UBE2E2: variants seen among roughly 807,000 people sequenced by gnomAD.
The protein encoded by UBE2E2 is ubiquitin-conjugating enzyme E2 E2.
In UBE2E2, 6 loss-of-function variants were observed where a neutral mutation model predicts 24.7. The ratio of observed to expected loss-of-function variants is 0.24; its 90% confidence interval spans 0.13 to 0.48. The LOEUF (loss-of-function observed/expected upper bound fraction) is 0.48, where lower values mean the gene tolerates loss of function less well. Ranked by LOEUF, UBE2E2 falls within the 20% of genes least tolerant of loss-of-function variation. UBE2E2 has a pLI of 0.99. For synonymous variants in UBE2E2, 104 were observed against 83.6 expected (o/e 1.24, Z -1.33); for missense variants, 169 against 245.0 (o/e 0.69, Z 2.07).
intron 3 of UBE2E2, among the ~76,000 whole-genome samples, chr3:23,332,671 T>TG (rs78884458): frequency 1.3e-3 from 101 of 79,202 alleles, no homozygotes; most frequent in African/African-American, 4.2e-3. Context: ...TGGCAGCCAG[T>TG]GGGGTGTGTG....
intron 3 of UBE2E2, among the ~76,000 whole-genome samples, chr3:23,398,001 A>G (rs192430914): frequency 1.7e-4 from 26 of 152,178 alleles, no homozygotes; most frequent in South Asian, 1.5e-3. Context: ...GTTGATTTCT[A>G]TTGTTCAGTT....
chr3:23,510,387 A>AAG (rs1694567969), intron 4 of UBE2E2, among the ~76,000 whole-genome samples: 1 of 152,062 alleles, frequency 6.6e-6, no homozygotes, highest in Non-Finnish European at 1.5e-5. Flanking sequence ...TGGGTGGATC[A>AAG]GTTGAGGTTA....
At chr3:23,521,739 AG>A (rs1278641383) in intron 4 of UBE2E2, among the ~76,000 whole-genome samples, 1 of 152,112 alleles carries the variant, frequency 6.6e-6, no homozygotes, top group African/African-American at 2.4e-5. Context: ...TTAGCTCATG[AG>A]CTATCATAAG....
At chr3:23,448,052 A>C (rs1195763594) in intron 3 of UBE2E2, among the ~76,000 whole-genome samples, 1 of 152,226 alleles carries the variant, frequency 6.6e-6, no homozygotes, top group African/African-American at 2.4e-5. Flanking sequence ...TGTTTTTAAA[A>C]ATTATCTCTT....
intron 3 of UBE2E2, among the ~76,000 whole-genome samples, chr3:23,325,282 T>TA (rs1400795338): frequency 2.6e-5 from 4 of 152,156 alleles, no homozygotes; most frequent in Admixed American, 2.6e-4. Flanking sequence ...GTATAGTAAA[T>TA]ATTCATGAAA....
At chr3:23,336,357 G>C (rs1365567023) in intron 3 of UBE2E2, among the ~76,000 whole-genome samples, 1 of 152,194 alleles carries the variant, frequency 6.6e-6, no homozygotes, top group Non-Finnish European at 1.5e-5. Flanking sequence ...GTATCTGCAA[G>C]AGTAAAAGTC....
intron 3 of UBE2E2, among the ~76,000 whole-genome samples, chr3:23,469,773 T>C (rs1698995929): frequency 6.6e-6 from 1 of 152,252 alleles, no homozygotes; most frequent in Admixed American, 6.5e-5. Context: ...GGATTCTGCC[T>C]GTTGAAGAGA....
At chr3:23,403,395 T>TA (rs1271923635) in intron 3 of UBE2E2, among the ~76,000 whole-genome samples, 2 of 152,234 alleles carry the variant, frequency 1.3e-5, no homozygotes, top group African/African-American at 4.8e-5. Context: ...CGTCAAACGA[T>TA]ACAACACTCT....
chr3:23,341,430 T>G (rs1199444636), intron 3 of UBE2E2, among the ~76,000 whole-genome samples: 2 of 152,138 alleles, frequency 1.3e-5, no homozygotes, highest in African/African-American at 4.8e-5. Flanking sequence ...GCATTGTAGG[T>G]CTCATTTTGG....
chr3:23,393,979 GA>G (rs1216078894), intron 3 of UBE2E2, among the ~76,000 whole-genome samples: 1 of 152,170 alleles, frequency 6.6e-6, no homozygotes, highest in East Asian at 1.9e-4. Context: ...GCCCTTTATA[GA>G]AAAATATTGC....
intron 3 of UBE2E2, among the ~76,000 whole-genome samples, chr3:23,444,223 C>G (rs1251688087): frequency 6.6e-6 from 1 of 152,100 alleles, no homozygotes; most frequent in African/African-American, 2.4e-5. Flanking sequence ...GGAAGCACCA[C>G]GAGATACCCC....
At chr3:23,224,157 T>TTG (rs71051203) in intron 3 of UBE2E2, among the ~76,000 whole-genome samples, 2 of 20,212 alleles carry the variant, frequency 9.9e-5, no homozygotes, top group East Asian at 3.6e-3. Context: ...AAATTTTAGG[T>TTG]TTTTTTTTTT....
At chr3:23,567,246 T>C (rs749049524) in intron 5 of UBE2E2, among the ~76,000 whole-genome samples, 34 of 152,178 alleles carry the variant, frequency 2.2e-4, no homozygotes, top group Non-Finnish European at 4.0e-4. Context: ...AGGGATATAG[T>C]AAGAGTTTGA....
chr3:23,228,262 T>A (rs1198871704), intron 3 of UBE2E2, among the ~76,000 whole-genome samples: 23 of 152,236 alleles, frequency 1.5e-4, no homozygotes, highest in Admixed American at 1.5e-3. Context: ...TTAAATTCTT[T>A]ACTGCTTTAA....
At chr3:23,365,893 C>A (rs1011621197) in intron 3 of UBE2E2, among the ~76,000 whole-genome samples, 1 of 152,074 alleles carries the variant, frequency 6.6e-6, no homozygotes, top group Non-Finnish European at 1.5e-5. Context: ...CAAAAAAGCA[C>A]AATAGTGGTA....
chr3:23,223,080 C>T (rs536029801), intron 3 of UBE2E2, among the ~76,000 whole-genome samples: 6 of 122,008 alleles, frequency 4.9e-5, no homozygotes, highest in South Asian at 2.8e-4. Flanking sequence ...AGTGCAGTGG[C>T]GTGATCTCTG....
chr3:23,400,543 G>T (rs997380631), intron 3 of UBE2E2, among the ~76,000 whole-genome samples: 9 of 151,288 alleles, frequency 5.9e-5, no homozygotes, highest in African/African-American at 2.2e-4. Context: ...GGAGCATATG[G>T]TCAGCAGTTA....
intron 3 of UBE2E2, among the ~76,000 whole-genome samples, chr3:23,238,400 G>A (rs1334168940): frequency 6.6e-6 from 1 of 152,150 alleles, no homozygotes; most frequent in East Asian, 1.9e-4. Context: ...GAACACTAAA[G>A]CATTGTGCAA....
At chr3:23,385,540 C>A (rs1696787389) in intron 3 of UBE2E2, among the ~76,000 whole-genome samples, 1 of 152,188 alleles carries the variant, frequency 6.6e-6, no homozygotes, top group Non-Finnish European at 1.5e-5. Flanking sequence ...TGTAATCCTG[C>A]CTTGTCTGTT....
Sources: allele counts gnomAD v4.1 joint callset (sites outside exome capture counted in the v4.1 genomes callset), GRCh38; gene constraint gnomAD v4.1.1; transcripts MANE v1.5; gene names NCBI Gene and HGNC (gene_info 2026-07-23, HGNC 2026-07-21).